PTPRG: variants seen among roughly 807,000 people sequenced by gnomAD.
The protein encoded by PTPRG is receptor-type tyrosine-protein phosphatase gamma.
In PTPRG, 102 loss-of-function variants were observed where a neutral mutation model predicts 165.3. The ratio of observed to expected loss-of-function variants is 0.62; its 90% CI spans 0.53 to 0.73. PTPRG has a LOEUF of 0.73. PTPRG is among the 30% of genes least tolerant of loss of function. The pLI is 0.00. For missense variants in PTPRG, 1,866 were observed against 1,861.4 expected, an observed-to-expected ratio of 1.00 and a Z score of -0.05; for synonymous variants, 675 against 669.5, an observed-to-expected ratio of 1.01 and a Z score of -0.13.
intron 15 of PTPRG, among the ~76,000 whole-genome samples, chr3:62,247,430 T>C (rs1360470241): frequency 6.6e-6 from 1 of 152,146 alleles, no homozygotes; most frequent in African/African-American, 2.4e-5. Flanking sequence ...TTTTTCTGAG[T>C]TATTGATCAT....
intron 2 of PTPRG, among the ~76,000 whole-genome samples, chr3:61,755,128 C>T (rs1447407424): frequency 6.6e-6 from 1 of 152,168 alleles, no homozygotes; most frequent in Non-Finnish European, 1.5e-5. Context: ...CTGCCTGCAC[C>T]TCCTGAGTGT....
intron 1 of PTPRG, among the ~76,000 whole-genome samples, chr3:61,645,446 C>A (rs1213754004): frequency 6.6e-6 from 1 of 152,194 alleles, no homozygotes; most frequent in South Asian, 2.1e-4. Flanking sequence ...GGGCATGTGA[C>A]CCGGGCTCCA....
intron 2 of PTPRG, among the ~76,000 whole-genome samples, chr3:61,944,328 G>A (rs974065793): frequency 6.6e-5 from 10 of 152,170 alleles, no homozygotes; most frequent in Admixed American, 1.3e-4. Context: ...TGATCGGAGC[G>A]CATCTTACAA....
intron 2 of PTPRG, among the ~76,000 whole-genome samples, chr3:61,810,026 T>C (rs1159062780): frequency 6.6e-6 from 1 of 152,196 alleles, no homozygotes; most frequent in Non-Finnish European, 1.5e-5. Context: ...GGAAACTGTT[T>C]AGCCTGTTGA....
At chr3:62,108,672 G>A (rs532035223) in intron 5 of PTPRG, among the ~76,000 whole-genome samples, 33 of 152,300 alleles carry the variant, frequency 2.2e-4, no homozygotes, top group Admixed American at 7.8e-4. Flanking sequence ...CAGTGTAAAA[G>A]CGTTCCTATT....
intron 8 of PTPRG, among the ~76,000 whole-genome samples, chr3:62,186,737 T>C (rs1417708288): frequency 7.2e-5 from 11 of 151,920 alleles, no homozygotes; most frequent in Non-Finnish European, 2.9e-5. Flanking sequence ...GGCTAATTTT[T>C]GTGTTTTTTT....
chr3:61,923,205 T>C (rs1215349516), intron 2 of PTPRG, among the ~76,000 whole-genome samples: 1 of 152,138 alleles, frequency 6.6e-6, no homozygotes, highest in African/African-American at 2.4e-5. Context: ...TATTGTGTCT[T>C]CCCCAAACTT....
intron 16 of PTPRG, among the ~76,000 whole-genome samples, chr3:62,259,267 C>T (rs1478649152): frequency 6.6e-6 from 1 of 152,230 alleles, no homozygotes; most frequent in East Asian, 1.9e-4. Flanking sequence ...GCTGCACCGA[C>T]TGCTGCCTGC....
Position 62,276,958 on chromosome 3 carries a change from T to C in PTPRG, c.3560-14T>C, listed in dbSNP as rs1327165410. 6 of 1,611,500 alleles carry C rather than the reference T, an allele frequency of 3.7e-6. No individual in the cohort carries two copies. The highest frequency in any genetic ancestry group is 2.7e-5 in the African/African-American group (2 of 74,824). ...TAAGGCAAATGTGGTGTTTTTGTTT[T>C]TTCCATATGATAGCTGAGCGTGCTC... On this transcript the variant is annotated splice_polypyrimidine_tract_variant and intron_variant, in intron 24 of 29. Transcript: ENST00000474889.
chr3:61,741,942 C>T (rs1299975010), intron 1 of PTPRG, among the ~76,000 whole-genome samples: 1 of 151,988 alleles, frequency 6.6e-6, no homozygotes, highest in African/African-American at 2.4e-5. Context: ...AAAAATATTC[C>T]CTATGGATAT....
intron 2 of PTPRG, among the ~76,000 whole-genome samples, chr3:61,912,879 A>C (rs2038837812): frequency 6.6e-6 from 1 of 151,694 alleles, no homozygotes; most frequent in Admixed American, 6.6e-5. Flanking sequence ...TTTTTTTTTC[A>C]CCATTTTTTA....
intron 2 of PTPRG, among the ~76,000 whole-genome samples, chr3:61,914,557 T>C (rs1028942472): frequency 6.6e-6 from 1 of 152,204 alleles, no homozygotes; most frequent in Non-Finnish European, 1.5e-5. Context: ...CATCTGAAAG[T>C]ATTCTTCGTA....
chr3:61,603,249 G>A (rs2106852412), intron 1 of PTPRG, among the ~76,000 whole-genome samples: 1 of 152,298 alleles, frequency 6.6e-6, no homozygotes, highest in East Asian at 1.9e-4. Context: ...ATGTTGAATT[G>A]TAATTCAGCA....
chr3:61,684,864 T>C (rs1425976031), intron 1 of PTPRG, among the ~76,000 whole-genome samples: 1 of 152,166 alleles, frequency 6.6e-6, no homozygotes, highest in Non-Finnish European at 1.5e-5. Flanking sequence ...AATGAACCAA[T>C]ATGGGGTGGT....
intron 1 of PTPRG, among the ~76,000 whole-genome samples, chr3:61,578,911 A>G (rs560563314): frequency 1.3e-5 from 2 of 152,340 alleles, no homozygotes; most frequent in Non-Finnish European, 2.9e-5. Context: ...GCAGGTGATA[A>G]GAATCTGGGT....
intron 4 of PTPRG, among the ~76,000 whole-genome samples, chr3:62,005,688 TC>T (rs1202504893): frequency 1.7e-4 from 23 of 132,462 alleles, no homozygotes; most frequent in African/African-American, 6.5e-4. Context: ...GACATTAATA[TC>T]CTTTTTTTTT....
intron 1 of PTPRG, among the ~76,000 whole-genome samples, chr3:61,588,713 T>C (rs1164478950): frequency 2.0e-5 from 3 of 152,214 alleles, no homozygotes; most frequent in Non-Finnish European, 4.4e-5. Context: ...CCCAAAGTGC[T>C]GGGATTACAG....
At chr3:61,601,400 T>C (rs574490694) in intron 1 of PTPRG, among the ~76,000 whole-genome samples, 1 of 152,352 alleles carries the variant, frequency 6.6e-6, no homozygotes, top group Non-Finnish European at 1.5e-5. Context: ...CACTGTAGAA[T>C]GTGGGCATGT....
rs1431924650 is a variant in PTPRG at position 62,262,835 on chromosome 3, C to T, written c.2597C>T (p.Ala866Val). ...QRCTADMNIT[A>V]EHSNHPENKH... ...TGTACTGCTGATATGAACATCACTG[C>T]AGAGCATTCCAATCATCCAGAAAAC... Residue 866 changes from alanine to valine, a missense_variant, in exon 17 of 30, where the codon GCA (alanine) becomes GTA (valine). Physicochemically the swap from Ala to Val is moderately conservative, Grantham distance 64. This residue lies in a region of PTPRG where 1,452 missense variants were observed against 1,463.0 expected (regional missense o/e 0.99). Transcript: ENST00000474889. 2 of 1,613,742 alleles carry T rather than the reference C, an allele frequency of 1.2e-6. No homozygotes were observed. Among genetic ancestry groups the T allele is most frequent in the African/African-American group, 2.7e-5 (2 of 74,900 alleles).
Sources: allele counts gnomAD v4.1 joint callset (sites outside exome capture counted in the v4.1 genomes callset), GRCh38; gene constraint gnomAD v4.1.1; regional missense constraint gnomAD v4.1.1; transcripts MANE v1.5; gene names NCBI Gene and HGNC (gene_info 2026-07-23, HGNC 2026-07-21).